The following TMCO4 variants were observed in gnomAD, a reference collection of about 807,000 sequenced individuals.
TMCO4 encodes transmembrane and coiled-coil domains 4.
TMCO4 carries 58 observed loss-of-function variants against 64.7 expected under a neutral mutation model. That is an observed-to-expected ratio of 0.90 (90% confidence interval 0.73 to 1.12). TMCO4 has a LOEUF of 1.12. Among genes scored for constraint, TMCO4 ranks in the 50% most tolerant of loss-of-function variants. The pLI, the probability that TMCO4 is intolerant of heterozygous loss-of-function variation, is 0.00. For synonymous variants in TMCO4, 325 were observed against 346.1 expected, an observed-to-expected ratio of 0.94 and a Z score of 0.68; for missense variants, 780 against 825.9, an observed-to-expected ratio of 0.94 and a Z score of 0.68.
chr1:19,767,491 G>A (rs539136325), intron 6 of TMCO4, among the ~76,000 whole-genome samples: 7 of 152,304 alleles, frequency 4.6e-5, no homozygotes, highest in Non-Finnish European at 8.8e-5. Flanking sequence ...CCAGCTCCAA[G>A]GTCACAAACA....
At chr1:19,764,756 G>A (rs766130859) in intron 6 of TMCO4, among the ~76,000 whole-genome samples, 23 of 150,084 alleles carry the variant, frequency 1.5e-4, no homozygotes, top group Non-Finnish European at 3.1e-4. Flanking sequence ...TCGGGAGGCT[G>A]AGGCAGGAGA....
At chr1:19,782,625 CT>C (rs2043544211) in intron 3 of TMCO4, among the ~76,000 whole-genome samples, 1 of 152,118 alleles carries the variant, frequency 6.6e-6, no homozygotes, top group African/African-American at 2.4e-5. Context: ...CTATTCTTTC[CT>C]TCCTTCCCAG....
intron 10 of TMCO4, among the ~76,000 whole-genome samples, chr1:19,741,436 T>C (rs555820589): frequency 6.6e-6 from 1 of 152,306 alleles, no homozygotes; most frequent in South Asian, 2.1e-4. Flanking sequence ...GGGAGATAGC[T>C]AGAAATTTGG....
At chr1:19,767,091 C>A (rs183305104) in intron 6 of TMCO4, among the ~76,000 whole-genome samples, 1 of 152,204 alleles carries the variant, frequency 6.6e-6, no homozygotes, top group Non-Finnish European at 1.5e-5. Context: ...TTATTATATT[C>A]CCATGGGGAT....
chr1:19,734,066 A>G lies in TMCO4; in HGVS notation c.1264+3306T>C, dbSNP rs1041133376. Among the ~76,000 whole-genome samples the G allele has an allele frequency of 6.6e-6, 1 of 152,206 alleles. No individual in the cohort carries two copies. ...CTGTGTGGTTACTACTACTACTATT[A>G]TCATCATTATTATTGGAGGGAAAGC... On this transcript the variant is annotated intron_variant, in intron 13 of 15. Coordinates refer to ENST00000294543, the MANE Select transcript of TMCO4 (RefSeq NM_181719.7). This position sits in a 1 kb window ranked among gnomAD's most constrained non-coding sequence, Gnocchi z 4.4.
chr1:19,785,126 G>A (rs2043673158), intron 3 of TMCO4, among the ~76,000 whole-genome samples: 1 of 151,868 alleles, frequency 6.6e-6, no homozygotes, highest in South Asian at 2.1e-4. Flanking sequence ...CTCCCTGCTG[G>A]GACCACCCTT....
intron 13 of TMCO4, among the ~76,000 whole-genome samples, chr1:19,715,604 G>T (rs554004960): frequency 6.6e-6 from 1 of 152,188 alleles, no homozygotes; most frequent in Admixed American, 6.5e-5. Flanking sequence ...AATTTCTCAG[G>T]ATATAGGAGC....
intron 6 of TMCO4, 124 bp from the exon 7 acceptor site, chr1:19,755,890 T>A: frequency 3.6e-6 from 4 of 1,125,404 alleles, no homozygotes; most frequent in South Asian, 1.5e-5. Context: ...TGGGAGCCAG[T>A]CAATGAAAAA....
intron 15 of TMCO4, among the ~76,000 whole-genome samples, chr1:19,690,866 C>CTTTTTT (rs34764589): frequency 9.0e-6 from 1 of 111,286 alleles, no homozygotes; most frequent in African/African-American, 3.5e-5. Flanking sequence ...TGTGAAGACT[C>CTTTTTT]TTTTTTTTTT....
chr1:19,710,227 G>A (rs533239902), intron 13 of TMCO4, among the ~76,000 whole-genome samples: 7 of 150,518 alleles, frequency 4.7e-5, no homozygotes, highest in South Asian at 4.2e-4. Context: ...CTGCCTCAGC[G>A]TCCCAAGTAA....
chr1:19,773,630 A>G (rs1010193466), intron 4 of TMCO4, among the ~76,000 whole-genome samples: 1 of 152,160 alleles, frequency 6.6e-6, no homozygotes, highest in African/African-American at 2.4e-5. Flanking sequence ...TTGAAGAGGA[A>G]TCTTAGCAGA....
chr1:19,720,347 C>A (rs969776587), intron 13 of TMCO4, among the ~76,000 whole-genome samples: 1 of 152,082 alleles, frequency 6.6e-6, no homozygotes, highest in Admixed American at 6.5e-5. Flanking sequence ...TATTACTAGA[C>A]CCATTTCTCA....
intron 15 of TMCO4, among the ~76,000 whole-genome samples, chr1:19,683,758 CTTTTTTTTTTTTTTTTT>C (rs531431284): frequency 5.1e-5 from 4 of 79,050 alleles, no homozygotes; most frequent in Admixed American, 1.6e-4. Flanking sequence ...TTGTCTGAAG[CTTTTTTTTTTTTTTTTT>C]TTTTTTTTTT....
intron 6 of TMCO4, among the ~76,000 whole-genome samples, chr1:19,763,947 C>T (rs1421610149): frequency 6.6e-6 from 1 of 152,166 alleles, no homozygotes; most frequent in African/African-American, 2.4e-5. Flanking sequence ...TGATTCTTGC[C>T]TTTTGTCCTC....
intron 4 of TMCO4, among the ~76,000 whole-genome samples, chr1:19,776,871 A>G (rs2043228931): frequency 6.6e-6 from 1 of 152,054 alleles, no homozygotes; most frequent in Admixed American, 6.6e-5. Context: ...TACTAAAAAT[A>G]CGAAAATTAG....
intron 2 of TMCO4, among the ~76,000 whole-genome samples, chr1:19,792,863 T>C (rs527340558): frequency 1.1e-4 from 17 of 149,132 alleles, no homozygotes; most frequent in Non-Finnish European, 2.4e-4. Context: ...CTCCACTTCC[T>C]GGGTTCAAGC....
intron 13 of TMCO4, among the ~76,000 whole-genome samples, chr1:19,727,380 C>T (rs2095413279): frequency 6.6e-5 from 10 of 152,176 alleles, no homozygotes; most frequent in Admixed American, 5.9e-4. Context: ...TGATGTACAC[C>T]ACTGCTGATC....
At chr1:19,756,487 A>C (rs906915311) in intron 6 of TMCO4, among the ~76,000 whole-genome samples, 11 of 152,182 alleles carry the variant, frequency 7.2e-5, no homozygotes, top group African/African-American at 2.7e-4. Flanking sequence ...TTAAGAAAAC[A>C]ACCGTAAATG....
rs1471596439 is a variant in TMCO4 at position 19,743,349 on chromosome 1, A to G, written c.877+2183T>C. ...TACAAAGTTTTTATCTTTATTGTAC[A>G]TAATCAAGATTAATAAAGGGGTGGT... is the stretch of plus-strand genomic sequence containing the variant. On this transcript the variant is annotated intron_variant, in intron 10 of 15. Coordinates refer to ENST00000294543, the MANE Select transcript of TMCO4 (RefSeq NM_181719.7). The surrounding 1 kb of genome is among the most constrained non-coding windows in gnomAD (Gnocchi z 4.1). 6.6e-6 allele frequency among the ~76,000 whole-genome samples: 1 copy of G among 152,220 alleles called. No individual in the cohort carries two copies. The highest frequency in any genetic ancestry group is 1.5e-5 in the Non-Finnish European group (1 of 68,044).
Sources: gnomAD v4.1 joint callset for allele counts (sites outside exome capture counted in the v4.1 genomes callset) on GRCh38, gnomAD v4.1.1 for gene constraint, Gnocchi (gnomAD v3.1) non-coding constraint, MANE v1.5 for transcripts, NCBI Gene and HGNC (gene_info 2026-07-23, HGNC 2026-07-21) for gene names.